YY1: variants seen among roughly 807,000 people sequenced by gnomAD.
YY1 encodes YY1 transcription factor, also known as transcriptional repressor protein YY1.
YY1 carries 2 observed loss-of-function variants against 35.6 expected under a neutral mutation model. The observed-to-expected ratio is 0.06, with a 90% CI of 0.02 to 0.18. The LOEUF (loss-of-function observed/expected upper bound fraction) is 0.18, where lower values mean the gene tolerates loss of function less well. YY1 is among the 10% of genes least tolerant of loss of function. YY1 has a pLI of 1.00. For missense variants in YY1, 322 were observed against 573.4 expected (o/e 0.56, Z 4.48); for synonymous variants, 268 against 238.9 (o/e 1.12, Z -1.12).
intron 1 of YY1, among the ~76,000 whole-genome samples, chr14:100,254,138 GAT>G (rs912291924): frequency 1.6e-4 from 25 of 152,174 alleles, no homozygotes; most frequent in African/African-American, 5.5e-4. Flanking sequence ...ACATGGCCAA[GAT>G]ATTTTTTTGA....
intron 2 of YY1, 120 bp from the exon 3 acceptor site, chr14:100,274,578 A>G: frequency 2.5e-6 from 2 of 800,828 alleles, no homozygotes; most frequent in Non-Finnish European, 4.3e-6. Context: ...CTTCATGGAA[A>G]TGTATCATAA....
In YY1 at chr14:100,239,204, G is replaced by T; in HGVS notation, c.-41G>T. 2 of 1,422,294 alleles carry T rather than the reference G, an allele frequency of 1.4e-6. No individual in the cohort carries two copies. Among genetic ancestry groups the T allele is most frequent in the Non-Finnish European group, 1.8e-6 (2 of 1,095,258 alleles). The allele number at this position is 1,422,294 out of a possible 1,614,324, so 88.1% of individuals were successfully genotyped here. ...CCTCGCCCGCCCGCCCGCAGCCGAGGAGCCGAGGCCGCCGCGGCCGTGGCG... is the reference window on the plus strand; with the variant it reads ...CCTCGCCCGCCCGCCCGCAGCCGAGTAGCCGAGGCCGCCGCGGCCGTGGCG... On this transcript the variant is annotated 5_prime_UTR_variant, in exon 1 of 5. Coordinates refer to ENST00000262238, the MANE Select transcript of YY1 (RefSeq NM_003403.5).
intron 2 of YY1, chr14:100,263,768 C>G (rs1394392765): frequency 1.3e-5 from 2 of 151,666 alleles, no homozygotes; most frequent in African/African-American, 2.4e-5. Context: ...GGAGACCGTT[C>G]AGTGTCCTGG....
At chr14:100,270,041 T>TC (rs993427522) in intron 2 of YY1, among the ~76,000 whole-genome samples, 1 of 151,750 alleles carries the variant, frequency 6.6e-6, no homozygotes, top group Admixed American at 6.6e-5. Flanking sequence ...GGCAGGTGGA[T>TC]CACGAGGTCA....
intron 1 of YY1, among the ~76,000 whole-genome samples, chr14:100,242,412 G>A (rs1890763609): frequency 1.6e-5 from 2 of 125,874 alleles, no homozygotes; most frequent in South Asian, 5.4e-4. Context: ...TTTTTGAGAT[G>A]GAGTCTCGCT....
intron 3 of YY1, chr14:100,275,772 G>A (rs929009263): frequency 1.3e-5 from 2 of 153,168 alleles, no homozygotes; most frequent in African/African-American, 2.4e-5. Flanking sequence ...CTGTCATGCT[G>A]TCTTATCATT....
rs1350055928 is a variant in YY1, at chr14:100,253,888, T to C, written c.680-8416T>C. The stretch of plus-strand genomic sequence containing the variant: ...GTTGTTGGCTCAGGGTGGAGTGCAA[T>C]GGCATGATCTCAGCTCACTGCAACC... On this transcript the variant is annotated intron_variant, in intron 1 of 4. Transcript: ENST00000262238. 2.0e-5 allele frequency among the ~76,000 whole-genome samples: 3 copies of C among 152,176 alleles called. No homozygotes were observed. In the South Asian group the frequency reaches 6.2e-4, roughly 31 times the overall value.
Position 100,239,534 on chromosome 14 carries a change from T to C in YY1, c.290T>C (p.Val97Ala). 1 of 1,611,596 alleles carries C rather than the reference T, an allele frequency of 6.2e-7. No homozygotes were observed. The highest frequency in any genetic ancestry group is 8.5e-7 in the Non-Finnish European group (1 of 1,179,520). ...CTGGTCACCGACGACCCGACCCAGG[T>C]GCACCACCACCAGGAGGTGATCCTG... ...QPLVTDDPTQ[V>A]HHHQEVILVQ... Residue 97 changes from valine (V) to alanine (A), a missense_variant, in exon 1 of 5, where the codon GTG becomes GCG. By Grantham distance (64) the Val-to-Ala change is moderately conservative. Transcript: ENST00000262238.
At chr14:100,271,166 G>A (rs893073691) in intron 2 of YY1, among the ~76,000 whole-genome samples, 2 of 152,148 alleles carry the variant, frequency 1.3e-5, no homozygotes, top group Admixed American at 1.3e-4. Flanking sequence ...AGAATGGCAT[G>A]AACCTGGGAG....
chr14:100,252,942 G>A (rs1042327397), intron 1 of YY1, among the ~76,000 whole-genome samples: 2 of 152,090 alleles, frequency 1.3e-5, no homozygotes, highest in African/African-American at 4.8e-5. Context: ...TGGTGGAGTG[G>A]GGTTGCTGGA....
chr14:100,246,945 A>G (rs1323085643), intron 1 of YY1, among the ~76,000 whole-genome samples: 3 of 152,126 alleles, frequency 2.0e-5, no homozygotes, highest in Non-Finnish European at 2.9e-5. Flanking sequence ...TTCCTAATAA[A>G]GCCTCTTGTG....
At chr14:100,243,902 GA>G (rs1890788655) in intron 1 of YY1, among the ~76,000 whole-genome samples, 2 of 152,036 alleles carry the variant, frequency 1.3e-5, no homozygotes, top group South Asian at 4.2e-4. Context: ...TCAGGAGATC[GA>G]GACCATCCTG....
chr14:100,239,547 G>A lies in YY1; in HGVS notation c.303G>A (p.Gln101=). ...ACCCGACCCAGGTGCACCACCACCA[G>A]GAGGTGATCCTGGTGCAGACGCGCG... The part of the protein sequence containing the change: ...TDDPTQVHHH[Q]EVILVQTREE... Residue 101 remains glutamine (Q), a synonymous_variant, in exon 1 of 5, where the codon CAG becomes CAA. Transcript: ENST00000262238. 6.2e-7 allele frequency: 1 copy of A among 1,612,598 alleles called. No homozygotes were observed. Among genetic ancestry groups the A allele is most frequent in the Non-Finnish European group, 8.5e-7 (1 of 1,179,722 alleles).
rs946949633 is a variant in YY1, at chr14:100,273,138, T to A, written c.843-1560T>A. On this transcript the variant is annotated intron_variant, in intron 2 of 4. Coordinates refer to ENST00000262238, the MANE Select transcript of YY1 (RefSeq NM_003403.5). The stretch of plus-strand genomic sequence containing the variant: ...TGCCACCACACCCGGCTAATTTTTG[T>A]ATTTTTAGTAGAGATGGGGTTTCAC... 2.6e-5 allele frequency among the ~76,000 whole-genome samples: 4 copies of A among 152,078 alleles called. No homozygotes were observed. The South Asian group carries it at 8.3e-4, about 32-fold the overall frequency.
At chr14:100,272,033 G>A (rs184763150) in intron 2 of YY1, among the ~76,000 whole-genome samples, 1 of 151,992 alleles carries the variant, frequency 6.6e-6, no homozygotes, top group Non-Finnish European at 1.5e-5. Flanking sequence ...GGTTGGGAAG[G>A]GGGAGGACAC....
chr14:100,265,435 G>A (rs76739542), intron 2 of YY1: 4,286 of 152,286 alleles, frequency 0.028, 98 homozygotes, highest in Non-Finnish European at 0.046. Context: ...TAATGGAAAA[G>A]ATTTAGAAAC....
rs1891381901 is a variant in YY1, at chr14:100,279,605, A to T, written c.*2005A>T. On this transcript the variant is annotated 3_prime_UTR_variant, in exon 5 of 5. Transcript: ENST00000262238. The stretch of plus-strand genomic sequence containing the variant: ...CAGGAGAGAGGTCAGCCCATGGTGG[A>T]GGTCTTCAGTGCCGAGGGCTCGGAT... The T allele has an allele frequency of 6.6e-6, 1 of 152,232 alleles. No individual in the cohort carries two copies. Among genetic ancestry groups the T allele is most frequent in the African/African-American group, 2.4e-5 (1 of 41,438 alleles). 9.4% of individuals were successfully genotyped at this position (152,232 alleles called of 1,614,324 possible).
At chr14:100,246,962 G>C (rs2139570915) in intron 1 of YY1, among the ~76,000 whole-genome samples, 1 of 152,264 alleles carries the variant, frequency 6.6e-6, no homozygotes, top group Non-Finnish European at 1.5e-5. Flanking sequence ...TGTGCTGTCA[G>C]ACTCTCCCCT....
intron 2 of YY1, among the ~76,000 whole-genome samples, chr14:100,267,678 T>C (rs1012496498): frequency 1.3e-5 from 2 of 152,054 alleles, no homozygotes; most frequent in Non-Finnish European, 2.9e-5. Flanking sequence ...TGCCCGCCAC[T>C]ACGCCCGGCT....
Sources: allele counts gnomAD v4.1 joint callset (sites outside exome capture counted in the v4.1 genomes callset), GRCh38; gene constraint gnomAD v4.1.1; transcripts MANE v1.5; gene names NCBI Gene and HGNC (gene_info 2026-07-23, HGNC 2026-07-21).